The following HDAC4 variants were observed in gnomAD, a reference collection of about 807,000 sequenced individuals.
HDAC4 encodes the protein histone deacetylase A.
Under a neutral mutation model 135.1 loss-of-function variants are expected in HDAC4, and 16 were observed. The observed-to-expected ratio is 0.12, with a 90% confidence interval of 0.08 to 0.18. The LOEUF is 0.18. HDAC4 is among the 10% of genes least tolerant of loss of function. The pLI, the probability that HDAC4 is intolerant of heterozygous loss-of-function variation, is 1.00. For synonymous variants in HDAC4, 685 were observed against 653.4 expected, an observed-to-expected ratio of 1.05 and a Z score of -0.74; for missense variants, 1,143 against 1,511.8, an observed-to-expected ratio of 0.76 and a Z score of 4.05.
intron 2 of HDAC4, among the ~76,000 whole-genome samples, chr2:239,289,062 C>G (rs2051308616): frequency 6.6e-6 from 1 of 152,186 alleles, no homozygotes; most frequent in African/African-American, 2.4e-5. Context: ...TCTGGAGCAG[C>G]TGAGCACAGG....
intron 12 of HDAC4, among the ~76,000 whole-genome samples, chr2:239,118,676 G>A (rs1177612355): frequency 4.6e-5 from 7 of 152,144 alleles, no homozygotes; most frequent in East Asian, 1.9e-4. Context: ...ATTTCACAAC[G>A]CATACAAGTA....
At chr2:239,173,143 C>T (rs2043557729) in intron 5 of HDAC4, among the ~76,000 whole-genome samples, 1 of 152,094 alleles carries the variant, frequency 6.6e-6, no homozygotes, top group African/African-American at 2.4e-5. Context: ...AGGAATGATG[C>T]TTAACTCATT....
At chr2:239,192,764 C>T (rs2045084265) in intron 3 of HDAC4, among the ~76,000 whole-genome samples, 4 of 152,166 alleles carry the variant, frequency 2.6e-5, no homozygotes, top group South Asian at 2.1e-4. Context: ...CTCAGGTGAG[C>T]GGGCCCGTGC....
At chr2:239,234,197 C>T (rs1163993380) in intron 3 of HDAC4, among the ~76,000 whole-genome samples, 1 of 152,216 alleles carries the variant, frequency 6.6e-6, no homozygotes, top group East Asian at 1.9e-4. Context: ...GACTGCTGCA[C>T]ATGCATGCAT....
chr2:239,366,291 G>A (rs146677569), intron 1 of HDAC4, among the ~76,000 whole-genome samples: 107 of 152,146 alleles, frequency 7.0e-4, no homozygotes, highest in African/African-American at 2.5e-3. Flanking sequence ...TCAGGGTCAC[G>A]CGTGTGGCAC....
intron 13 of HDAC4, among the ~76,000 whole-genome samples, chr2:239,112,652 A>C (rs2038782324): frequency 6.6e-6 from 1 of 151,616 alleles, no homozygotes; most frequent in African/African-American, 2.4e-5. Context: ...GAGTGGAGGG[A>C]GCAGGGCAGA....
Position 239,054,829 on chromosome 2 carries a change from T to A in HDAC4, c.3008A>T (p.Asp1003Val), listed in dbSNP as rs2031537548. The A allele has an allele frequency of 6.2e-7, 1 of 1,607,750 alleles. No homozygotes were observed. The highest frequency in any genetic ancestry group is 1.7e-5 in the Admixed American group (1 of 60,004). ...CTGTAAAACCTTTTCTGGGAGAGGA[T>A]CAAGCTGGAAGAAAATGCATAAGAA... ...CVSALLGNELDPLPEKVLQQR... is the reference protein window; with the variant it reads ...CVSALLGNELVPLPEKVLQQR... The change falls in exon 25 of 27, where the codon GAT becomes GTT. Residue 1003 changes from aspartate to valine, a missense_variant. By Grantham distance (152) the Asp-to-Val change is radical. Around this residue, in one of 9 missense-constraint regions of HDAC4, gnomAD observed 131 missense variants for 130.6 expected, o/e 1.00. Transcript: ENST00000543185.
intron 2 of HDAC4, among the ~76,000 whole-genome samples, chr2:239,274,812 A>G (rs2050257636): frequency 6.6e-6 from 1 of 152,176 alleles, no homozygotes; most frequent in Non-Finnish European, 1.5e-5. Flanking sequence ...GCCCTTCCCT[A>G]GGCCTGGCCT....
chr2:239,296,359 C>T (rs2051893168), intron 2 of HDAC4, among the ~76,000 whole-genome samples: 2 of 152,370 alleles, frequency 1.3e-5, no homozygotes, highest in Admixed American at 1.3e-4. Flanking sequence ...GACAGTGGCA[C>T]AGGGCGGTCA....
At chr2:239,148,916 T>C (rs753153070) in intron 7 of HDAC4, among the ~76,000 whole-genome samples, 11 of 151,854 alleles carry the variant, frequency 7.2e-5, no homozygotes, top group Non-Finnish European at 1.5e-4. Flanking sequence ...ACTAAGCAAA[T>C]GAAAAAAATG....
At chr2:239,085,074 T>A (rs199593543) in intron 19 of HDAC4, among the ~76,000 whole-genome samples, 2 of 126,470 alleles carry the variant, frequency 1.6e-5, no homozygotes, top group Admixed American at 8.2e-5. Flanking sequence ...ACACACACAC[T>A]CTCCTGCTTG....
intron 2 of HDAC4, among the ~76,000 whole-genome samples, chr2:239,241,083 TTC>T (rs1327493608): frequency 6.6e-6 from 1 of 152,098 alleles, no homozygotes; most frequent in Non-Finnish European, 1.5e-5. Flanking sequence ...CGGAATCCAG[TTC>T]TGTCTCAATT....
At chr2:239,162,201 G>T in intron 6 of HDAC4, 1 of 456,718 alleles carries the variant, frequency 2.2e-6, no homozygotes. Context: ...AGGGCTGCCC[G>T]TGCTTGCCCC....
chr2:239,268,881 C>A (rs1198520032), intron 2 of HDAC4, among the ~76,000 whole-genome samples: 4 of 152,250 alleles, frequency 2.6e-5, no homozygotes, highest in Non-Finnish European at 5.9e-5. Flanking sequence ...CCTACCCCCA[C>A]AAAATGGAAA....
chr2:239,374,696 C>T (rs1694883184), intron 1 of HDAC4, among the ~76,000 whole-genome samples: 1 of 152,146 alleles, frequency 6.6e-6, no homozygotes, highest in Non-Finnish European at 1.5e-5. Context: ...AGCCACCGCG[C>T]CCGGCCAACA....
chr2:239,194,939 G>C (rs2045272885), intron 3 of HDAC4, among the ~76,000 whole-genome samples: 1 of 152,224 alleles, frequency 6.6e-6, no homozygotes, highest in South Asian at 2.1e-4. Context: ...GCAGATCTGT[G>C]TCTCCAGCTC....
At chr2:239,284,429 G>T (rs1205262533) in intron 2 of HDAC4, among the ~76,000 whole-genome samples, 3 of 152,186 alleles carry the variant, frequency 2.0e-5, no homozygotes, top group African/African-American at 7.2e-5. Flanking sequence ...CCTCCGCGGG[G>T]CCTCGGGGAG....
chr2:239,330,090 G>A (rs1292217695), intron 2 of HDAC4, among the ~76,000 whole-genome samples: 2 of 152,258 alleles, frequency 1.3e-5, no homozygotes, highest in South Asian at 2.1e-4. Context: ...CTGAGATGAC[G>A]GGGCAGAATC....
chr2:239,291,936 T>G (rs1488649170), intron 2 of HDAC4, among the ~76,000 whole-genome samples: 1 of 152,208 alleles, frequency 6.6e-6, no homozygotes, highest in Non-Finnish European at 1.5e-5. Context: ...ATCCCTCCTT[T>G]GTCTGCAGCA....
Sources: gnomAD v4.1 joint callset for allele counts (sites outside exome capture counted in the v4.1 genomes callset) on GRCh38, gnomAD v4.1.1 for gene constraint, gnomAD v4.1.1 regional missense constraint, MANE v1.5 for transcripts, NCBI Gene and HGNC (gene_info 2026-07-23, HGNC 2026-07-21) for gene names.